MYO15B: variants seen among roughly 807,000 people sequenced by gnomAD.
The protein encoded by MYO15B is myosin XVB pseudogene.
In MYO15B, 207 loss-of-function variants were observed where a neutral mutation model predicts 119.3. That is an observed-to-expected ratio of 1.73 (90% confidence interval 1.55 to 1.95). The LOEUF (loss-of-function observed/expected upper bound fraction) is 1.95, where lower values mean the gene tolerates loss of function less well. Ranked by LOEUF, MYO15B falls within the 30% of genes most tolerant of loss-of-function variation. The pLI is 0.00. For synonymous variants in MYO15B, 966 were observed against 498.9 expected (o/e 1.94, Z -12.48); for missense variants, 2,264 against 1,203.1 (o/e 1.88, Z -13.04).
At chr17:75,603,207 T>G (rs762553669) in exon 19 of MYO15B, 2 of 703,084 alleles carry the variant, frequency 2.8e-6, no homozygotes, top group South Asian at 3.0e-5. Flanking sequence ...CTCTTTGACG[T>G]GGGACATGTG....
chr17:75,607,812 C>T (rs2057754951), intron 21 of MYO15B, among the ~76,000 whole-genome samples: 1 of 152,032 alleles, frequency 6.6e-6, no homozygotes, highest in East Asian at 1.9e-4. Flanking sequence ...AGTGAAAGTG[C>T]TGGTAATTCT....
exon 63 of MYO15B, chr17:75,626,111 G>C: frequency 1.4e-6 from 1 of 703,092 alleles, no homozygotes; most frequent in Middle Eastern, 2.3e-4. Flanking sequence ...GCATTGCCCT[G>C]AAGAGCCTGC....
At chr17:75,605,804 G>A (rs1388468805) in intron 20 of MYO15B, 60 bp from the exon 21 acceptor site, 2 of 651,050 alleles carry the variant, frequency 3.1e-6, no homozygotes, top group Non-Finnish European at 5.6e-6. Flanking sequence ...GAGACCAGAG[G>A]AGGAGAGCAG....
At position 75,591,712 on chromosome 17, in the gene MYO15B, G is replaced by A. The variant is rs2056463623; in HGVS notation, c.2547G>A (p.Gln849=). The change falls in exon 5 of 64, where the codon CAG becomes CAA. Residue 849 remains glutamine (Q), a splice_region_variant and synonymous_variant. Coordinates refer to ENST00000645453, the Ensembl canonical transcript of MYO15B. The stretch of plus-strand genomic sequence containing the variant: ...ATCAGACGGGGAACCGAGAGTGTCA[G>A]GTGAGGGCCAGGCTGGAGGTACCTC... The A allele has an allele frequency of 1.4e-6, 1 of 702,952 alleles. No individual in the cohort carries two copies. The highest frequency in any genetic ancestry group is 2.6e-6 in the Non-Finnish European group (1 of 384,960). 43.5% of individuals were successfully genotyped at this position (702,952 alleles called of 1,614,324 possible). A position where few individuals can be genotyped will look rare whatever the true frequency, so the allele number is the denominator to read the frequency against.
intron 23 of MYO15B, 133 bp from the exon 24 acceptor site, chr17:75,611,468 C>CA (rs11410750): frequency 0.14 from 67,065 of 464,370 alleles, 1,941 homozygotes; most frequent in African/African-American, 0.15. Flanking sequence ...GACCCTGCCT[C>CA]AAAAAAAAAA....
At chr17:75,588,459 C>T in exon 1 of MYO15B, 1 of 398,508 alleles carries the variant, frequency 2.5e-6, no homozygotes, top group East Asian at 3.6e-5. Flanking sequence ...ATAAGGGGCC[C>T]TCGGCTCGGC....
chr17:75,620,629 C>T, exon 49 of MYO15B: 1 of 699,650 alleles, frequency 1.4e-6, no homozygotes, highest in Non-Finnish European at 2.6e-6. Context: ...TGGGACAGGG[C>T]CTCAGAGGTG....
At chr17:75,620,391 G>A (rs867321955) in intron 48 of MYO15B, 34 bp downstream of exon 48, 1 of 702,886 alleles carries the variant, frequency 1.4e-6, no homozygotes, top group South Asian at 1.5e-5. Context: ...CTCACACAGG[G>A]AGGGCATCCA....
chr17:75,605,695 A>G (rs1955052705), intron 20 of MYO15B, 74 bp downstream of exon 20: 3 of 685,484 alleles, frequency 4.4e-6, no homozygotes, highest in Non-Finnish European at 8.1e-6. Flanking sequence ...GCCCAAAGGG[A>G]CAAACCCAGG....
intron 19 of MYO15B, among the ~76,000 whole-genome samples, chr17:75,604,612 C>T (rs1011842448): frequency 6.7e-6 from 1 of 148,954 alleles, no homozygotes; most frequent in Non-Finnish European, 1.5e-5. Flanking sequence ...AGACGAAGGC[C>T]TTGGGAACCA....
chr17:75,592,933 TAC>T (rs1362722883), intron 9 of MYO15B, 93 bp downstream of exon 9: 2 of 638,558 alleles, frequency 3.1e-6, no homozygotes, highest in East Asian at 5.5e-5. Flanking sequence ...TGTAGGAGAC[TAC>T]AGAGTGCTGG....
At chr17:75,593,071 C>A in intron 9 of MYO15B, 1 of 484,270 alleles carries the variant, frequency 2.1e-6, no homozygotes, top group Non-Finnish European at 3.7e-6. Flanking sequence ...ATTAGATGAG[C>A]AGCTATGGTC....
chr17:75,604,036 T>C (rs1162235303), intron 19 of MYO15B, among the ~76,000 whole-genome samples: 1 of 152,146 alleles, frequency 6.6e-6, no homozygotes, highest in Non-Finnish European at 1.5e-5. Flanking sequence ...GTGGACCTCC[T>C]TAGCCTGTGA....
Position 75,590,246 on chromosome 17 carries a change from T to G in MYO15B, c.2186+3T>G, listed in dbSNP as rs62089226. On this transcript the variant is annotated splice_donor_region_variant and intron_variant, in intron 1 of 63. Transcript: ENST00000645453. ...ATGGAGGACCTGGCGCGGTTGCGGT[T>G]AGCGGGCGCGGTGCCAAAGCTGCCA... The G allele has an allele frequency of 0.089, 35,595 of 399,064 alleles. 1,795 individuals carry two copies. Among genetic ancestry groups the G allele is most frequent in the Middle Eastern group, 0.15 (244 of 1,588 alleles). 24.7% of individuals were successfully genotyped at this position (399,064 alleles called of 1,614,324 possible).
Position 75,619,662 on chromosome 17 carries a change from A to G in MYO15B, c.7183-19A>G, listed in dbSNP as rs1362312969. 2 of 702,440 alleles carry G rather than the reference A, an allele frequency of 2.8e-6. No homozygotes were observed. Among genetic ancestry groups the G allele is most frequent in the African/African-American group, 3.5e-5 (2 of 57,242 alleles). 43.5% of individuals were successfully genotyped at this position (702,440 alleles called of 1,614,324 possible). A position where few individuals can be genotyped will look rare whatever the true frequency, so the allele number is the denominator to read the frequency against. On this transcript the variant is annotated intron_variant, in intron 45 of 63. Coordinates refer to ENST00000645453, the Ensembl canonical transcript of MYO15B. ...AGCAGGACCCAGGAGACTGCCCGAGACCCACCACCTTCCTGTAGGGCGAGA... is the reference window on the plus strand; with the variant it reads ...AGCAGGACCCAGGAGACTGCCCGAGGCCCACCACCTTCCTGTAGGGCGAGA...
rs117827902 is a variant in MYO15B at position 75,606,138 on chromosome 17, A to G, written c.4292+117A>G. The G allele has an allele frequency of 8.7e-3, 5,110 of 585,706 alleles. 167 individuals carry two copies. In the East Asian group the frequency reaches 0.096, roughly 11 times the overall value. The allele number at this position is 585,706 out of a possible 1,614,324, so 36.3% of individuals were successfully genotyped here. ...GCCTCAAGGCAAGTCATCCTGCCCC[A>G]GTGCCATCTCATCGGCATGTGACTC... On this transcript the variant is annotated intron_variant, in intron 21 of 63. Coordinates refer to ENST00000645453, the Ensembl canonical transcript of MYO15B.
intron 38 of MYO15B, 24 bp downstream of exon 38, chr17:75,616,470 T>C: frequency 1.5e-6 from 1 of 668,020 alleles, no homozygotes; most frequent in Non-Finnish European, 2.7e-6. Flanking sequence ...GGGCAGGGCC[T>C]GGGGCTCCGG....
chr17:75,609,485 A>ATTTTTTTTTTTTTTTTTTT (rs749247022), intron 21 of MYO15B, among the ~76,000 whole-genome samples: 3 of 77,996 alleles, frequency 3.8e-5, no homozygotes, highest in African/African-American at 5.5e-5. Context: ...AAGGGAAATG[A>ATTTTTTTTTTTTTTTTTTT]TTTTTTTTTT....
At chr17:75,625,129 T>C (rs1328351227) in exon 60 of MYO15B, 1 of 697,034 alleles carries the variant, frequency 1.4e-6, no homozygotes, top group South Asian at 1.5e-5. Context: ...ACAGGTGCTG[T>C]GGGACTACCT....
Sources: allele counts gnomAD v4.1 joint callset (sites outside exome capture counted in the v4.1 genomes callset), GRCh38; gene constraint gnomAD v4.1.1; transcripts MANE v1.5; gene names NCBI Gene and HGNC (gene_info 2026-07-23, HGNC 2026-07-21).